NAA11: variants seen among roughly 807,000 people sequenced by gnomAD.
NAA11 encodes the protein N-alpha-acetyltransferase 11, NatA catalytic subunit, also known as N-alpha-acetyltransferase 11.
NAA11 carries 15 observed loss-of-function variants against 16.1 expected under a neutral mutation model. The observed-to-expected ratio is 0.93, with a 90% CI of 0.62 to 1.44. NAA11 has a LOEUF of 1.44. Among genes scored for constraint, NAA11 ranks in the 40% most tolerant of loss-of-function variants. The pLI is 0.00. For missense variants in NAA11, 298 were observed against 291.3 expected (o/e 1.02, Z -0.17); for synonymous variants, 122 against 112.4 (o/e 1.09, Z -0.54).
At chr4:79,219,953 C>A in the NAA11 span, among the ~76,000 whole-genome samples, 1 of 152,288 alleles carries the variant, frequency 6.6e-6, no homozygotes, top group African/African-American at 2.4e-5. Flanking sequence ...AGTTTTTGAG[C>A]CTTGCTTTGC....
intron 2 of NAA11, among the ~76,000 whole-genome samples, chr4:79,261,423 A>G (rs1344123636): frequency 2.0e-5 from 3 of 152,176 alleles, no homozygotes; most frequent in Non-Finnish European, 4.4e-5. Context: ...CTCCAAGTCA[A>G]CTATATAAAG....
chr4:79,296,486 A>G (rs1304014569), intron 1 of NAA11, among the ~76,000 whole-genome samples: 1 of 152,126 alleles, frequency 6.6e-6, no homozygotes, highest in Non-Finnish European at 1.5e-5. Flanking sequence ...TTTAGAATGT[A>G]CCTCCCTTTA....
the NAA11 span, among the ~76,000 whole-genome samples, chr4:79,169,911 C>G: frequency 2.0e-5 from 3 of 152,156 alleles, no homozygotes; most frequent in African/African-American, 4.8e-5. Context: ...TTTCTGTTCT[C>G]CAAAGGTGAA....
chr4:79,325,334 C>T lies in NAA11; in HGVS notation c.544G>A (p.Gly182Ser), dbSNP rs745372449. 2.5e-6 allele frequency: 4 copies of T among 1,613,958 alleles called. No homozygotes were observed. Among genetic ancestry groups the T allele is most frequent in the South Asian group, 1.1e-5 (1 of 91,080 alleles). ...TCTTCAGAATCAGAAAGTGTGCTGCCCTGGGTCTCCTGGTTCTCCCTGGAG... is the reference window on the plus strand; with the variant it reads ...TCTTCAGAATCAGAAAGTGTGCTGCTCTGGGTCTCCTGGTTCTCCCTGGAG... ...LGSRENQETQ[G>S]STLSDSEEAC... Residue 182 changes from glycine to serine, a missense_variant, in exon 1 of 2, where the codon GGC (glycine) becomes AGC (serine). By Grantham distance (56) the Gly-to-Ser change is moderately conservative. Coordinates refer to ENST00000286794, the MANE Select transcript of NAA11 (RefSeq NM_032693.3).
chr4:79,207,201 G>T, the NAA11 span, among the ~76,000 whole-genome samples: 4 of 151,810 alleles, frequency 2.6e-5, no homozygotes, highest in Non-Finnish European at 5.9e-5. Flanking sequence ...CCTTGCTCTT[G>T]CCTGATTGCT....
At chr4:79,300,184 G>C (rs1179244260) in intron 1 of NAA11, among the ~76,000 whole-genome samples, 2 of 152,196 alleles carry the variant, frequency 1.3e-5, no homozygotes, top group Non-Finnish European at 2.9e-5. Flanking sequence ...TGTAGGCAAT[G>C]ATTTTCCTAA....
chr4:79,278,103 C>T (rs1722703793), intron 2 of NAA11, among the ~76,000 whole-genome samples: 1 of 152,026 alleles, frequency 6.6e-6, no homozygotes, highest in Non-Finnish European at 1.5e-5. Context: ...TCAACCTAAA[C>T]CCCATTCAAT....
chr4:79,254,531 T>C (rs1463301124), intron 2 of NAA11, among the ~76,000 whole-genome samples: 1 of 152,118 alleles, frequency 6.6e-6, no homozygotes, highest in Non-Finnish European at 1.5e-5. Flanking sequence ...AGAGATAGTA[T>C]AGAGTCTGAA....
intron 2 of NAA11, among the ~76,000 whole-genome samples, chr4:79,250,863 G>A (rs1384926524): frequency 6.6e-6 from 1 of 152,170 alleles, no homozygotes; most frequent in Non-Finnish European, 1.5e-5. Context: ...ACAAGCATAT[G>A]AAGAAATATT....
At chr4:79,177,383 C>A in the NAA11 span, among the ~76,000 whole-genome samples, 29 of 121,370 alleles carry the variant, frequency 2.4e-4, no homozygotes, top group South Asian at 9.5e-3. Context: ...GAGTGCAGAA[C>A]CCCCTCTCTT....
rs1553892412 is a variant in NAA11 at position 79,256,651 on chromosome 4, A to AATATATAC, written c.*123-30382_*123-30381insGTATATAT. Reference sequence around the variant, plus strand: ...AATGAACCATATATATATAAATATAAATATATATATATATATATTGACACG... The same window carrying AATATATAC: ...AATGAACCATATATATATAAATATAAATATATACATATATATATATATATATTGACACG... On this transcript the variant is annotated intron_variant and NMD_transcript_variant, in intron 2 of 2. Coordinates refer to the NAA11 transcript ENST00000511542. 1.7e-4 allele frequency among the ~76,000 whole-genome samples: 22 copies of AATATATAC among 130,746 alleles called. 1 individual carries two copies. The Admixed American group carries it at 1.7e-3, about 10-fold the overall frequency. The allele number at this position is 130,746 out of a possible 152,430, so 85.8% of individuals were successfully genotyped here.
chr4:79,233,722 TC>T (rs1721513618), intron 2 of NAA11, among the ~76,000 whole-genome samples: 1 of 152,076 alleles, frequency 6.6e-6, no homozygotes, highest in Non-Finnish European at 1.5e-5. Flanking sequence ...AATTACCTTT[TC>T]CTGCACTCTA....
At chr4:79,238,688 T>C (rs1405807553) in intron 2 of NAA11, among the ~76,000 whole-genome samples, 3 of 152,152 alleles carry the variant, frequency 2.0e-5, no homozygotes, top group African/African-American at 7.2e-5. Context: ...TAAAAAATCA[T>C]TTCTCAACTA....
At chr4:79,223,531 A>C (rs1470921075), downstream of NAA11, among the ~76,000 whole-genome samples, 5 of 149,284 alleles carry the variant, frequency 3.3e-5, no homozygotes, top group Admixed American at 6.7e-5. Context: ...GCACCAGGAG[A>C]TATACCTAAT....
At chr4:79,204,938 C>T in the NAA11 span, among the ~76,000 whole-genome samples, 1 of 151,398 alleles carries the variant, frequency 6.6e-6, no homozygotes, top group Non-Finnish European at 1.5e-5. Flanking sequence ...TACACACACA[C>T]ACACACACAC....
chr4:79,304,029 G>A (rs1723489047), intron 1 of NAA11, among the ~76,000 whole-genome samples: 2 of 152,074 alleles, frequency 1.3e-5, no homozygotes, highest in African/African-American at 4.8e-5. Context: ...CTTAGTGACA[G>A]CTCGACAGCT....
intron 2 of NAA11, among the ~76,000 whole-genome samples, chr4:79,226,963 C>G (rs1721331356): frequency 6.6e-6 from 1 of 152,072 alleles, no homozygotes. Context: ...ATGGCTGGGT[C>G]AAATGGTATT....
At chr4:79,291,564 A>G (rs1825402) in intron 2 of NAA11, among the ~76,000 whole-genome samples, 85 of 152,158 alleles carry the variant, frequency 5.6e-4, no homozygotes, top group African/African-American at 2.0e-3. Context: ...GTCTCTACTA[A>G]AAATACAAAA....
At chr4:79,204,088 A>G in the NAA11 span, among the ~76,000 whole-genome samples, 4 of 151,990 alleles carry the variant, frequency 2.6e-5, no homozygotes, top group African/African-American at 9.6e-5. Flanking sequence ...TCTGAAAGGT[A>G]TTTTGACAAT....
Sources: allele counts gnomAD v4.1 joint callset (sites outside exome capture counted in the v4.1 genomes callset), GRCh38; gene constraint gnomAD v4.1.1; transcripts MANE v1.5; gene names NCBI Gene and HGNC (gene_info 2026-07-23, HGNC 2026-07-21).